The following ANKS1B variants were observed in gnomAD, a reference collection of about 807,000 sequenced individuals.
ANKS1B encodes the protein ankyrin repeat and sterile alpha motif domain containing 1B, also known as ankyrin repeat and sterile alpha motif domain-containing protein 1B.
A neutral mutation model predicts 148.3 loss-of-function variants in ANKS1B; 36 were observed. That is an observed-to-expected ratio of 0.24 (90% confidence interval 0.19 to 0.32). The LOEUF (loss-of-function observed/expected upper bound fraction) is 0.32, where lower values mean the gene tolerates loss of function less well. ANKS1B is among the 10% of genes least tolerant of loss of function. ANKS1B has a pLI of 1.00. For synonymous variants in ANKS1B, 542 were observed against 560.8 expected, an observed-to-expected ratio of 0.97 and a Z score of 0.47; for missense variants, 1,157 against 1,542.6, an observed-to-expected ratio of 0.75 and a Z score of 4.19.
At chr12:99,318,863 G>A (rs533755761) in intron 12 of ANKS1B, among the ~76,000 whole-genome samples, 140 of 151,896 alleles carry the variant, frequency 9.2e-4, no homozygotes, top group African/African-American at 3.3e-3. Flanking sequence ...AGATTCTGGT[G>A]TGTTGTGTCT....
At chr12:99,209,365 T>C (rs2083062566) in intron 14 of ANKS1B, among the ~76,000 whole-genome samples, 1 of 152,164 alleles carries the variant, frequency 6.6e-6, no homozygotes, top group Non-Finnish European at 1.5e-5. Context: ...AAAATTGCTT[T>C]AGAAGAAAAA....
chr12:99,798,236 T>C (rs1410135941), intron 4 of ANKS1B, among the ~76,000 whole-genome samples: 1 of 151,728 alleles, frequency 6.6e-6, no homozygotes, highest in Non-Finnish European at 1.5e-5. Flanking sequence ...GTGGTGACGA[T>C]CAGCAGAGAA....
At chr12:99,412,639 CCT>C (rs2094752535) in intron 11 of ANKS1B, among the ~76,000 whole-genome samples, 1 of 152,054 alleles carries the variant, frequency 6.6e-6, no homozygotes, top group African/African-American at 2.4e-5. Flanking sequence ...AGTAACTCTC[CCT>C]GTTTTTCATC....
chr12:98,983,434 G>A (rs1039815282), intron 17 of ANKS1B, among the ~76,000 whole-genome samples: 1 of 152,092 alleles, frequency 6.6e-6, no homozygotes, highest in Non-Finnish European at 1.5e-5. Context: ...CTCTGAGTTG[G>A]ATAAAAGTCA....
At chr12:99,499,512 G>A (rs781402447) in intron 10 of ANKS1B, among the ~76,000 whole-genome samples, 9 of 152,134 alleles carry the variant, frequency 5.9e-5, no homozygotes, top group Non-Finnish European at 1.2e-4. Context: ...CCTTCATCAA[G>A]GGGAGGCAAG....
At chr12:99,299,124 G>A (rs968033052) in intron 12 of ANKS1B, among the ~76,000 whole-genome samples, 4 of 151,540 alleles carry the variant, frequency 2.6e-5, no homozygotes, top group Non-Finnish European at 4.4e-5. Flanking sequence ...GTCATGGCAC[G>A]ATCATAGCTC....
chr12:99,093,681 A>G (rs1053309692), intron 15 of ANKS1B: 1 of 152,220 alleles, frequency 6.6e-6, no homozygotes, highest in African/African-American at 2.4e-5. Context: ...GTGAAGGTGG[A>G]TAATTTAGCC....
intron 1 of ANKS1B, among the ~76,000 whole-genome samples, chr12:99,944,032 T>A (rs1457988789): frequency 1.3e-5 from 2 of 151,698 alleles, no homozygotes; most frequent in African/African-American, 4.8e-5. Flanking sequence ...CAACTCCTGC[T>A]CCTTCTCCTA....
chr12:98,976,744 A>G (rs1002419463), intron 17 of ANKS1B: 1 of 152,248 alleles, frequency 6.6e-6, no homozygotes, highest in Admixed American at 6.5e-5. Flanking sequence ...AACATTTATT[A>G]TCAAAATGGA....
chr12:99,606,452 G>GTGAACTGT (rs1398971706), intron 9 of ANKS1B, among the ~76,000 whole-genome samples: 3 of 151,758 alleles, frequency 2.0e-5, no homozygotes, highest in Admixed American at 6.6e-5. Context: ...AGCAAACTTT[G>GTGAACTGT]TGAACTGTCT....
At chr12:99,036,574 T>G (rs912113156) in intron 17 of ANKS1B, among the ~76,000 whole-genome samples, 10 of 152,224 alleles carry the variant, frequency 6.6e-5, no homozygotes, top group Non-Finnish European at 1.5e-4. Flanking sequence ...TAATTGGCAT[T>G]TAAACTGTGT....
At chr12:98,959,642 G>A (rs2099867981) in intron 17 of ANKS1B, among the ~76,000 whole-genome samples, 1 of 152,196 alleles carries the variant, frequency 6.6e-6, no homozygotes, top group Non-Finnish European at 1.5e-5. Context: ...TTAGGTACCA[G>A]CTTGGCCACA....
At chr12:98,821,800 G>T (rs1185849883) in intron 19 of ANKS1B, among the ~76,000 whole-genome samples, 2 of 151,894 alleles carry the variant, frequency 1.3e-5, no homozygotes, top group Non-Finnish European at 2.9e-5. Context: ...CAGAGATGGG[G>T]TTTTGCCATG....
intron 17 of ANKS1B, among the ~76,000 whole-genome samples, chr12:98,900,945 G>A (rs1016867375): frequency 1.3e-5 from 2 of 152,082 alleles, no homozygotes; most frequent in East Asian, 3.9e-4. Flanking sequence ...GGAAATTTTT[G>A]TACTTCCCTT....
intron 12 of ANKS1B, among the ~76,000 whole-genome samples, chr12:99,327,352 ATAT>A (rs567673752): frequency 2.5e-3 from 281 of 112,980 alleles, no homozygotes; most frequent in African/African-American, 0.012. Flanking sequence ...TTATAATTAC[ATAT>A]TATATATAAT....
chr12:99,369,639 T>C (rs1439271016), intron 12 of ANKS1B, among the ~76,000 whole-genome samples: 3 of 152,098 alleles, frequency 2.0e-5, no homozygotes, highest in South Asian at 2.1e-4. Flanking sequence ...CTTTTCTATA[T>C]GTATACTGAA....
chr12:99,344,227 A>C (rs546626055), intron 12 of ANKS1B, among the ~76,000 whole-genome samples: 1 of 151,994 alleles, frequency 6.6e-6, no homozygotes, highest in Non-Finnish European at 1.5e-5. Flanking sequence ...GTGTTTGTCC[A>C]TGCTATTCTA....
At chr12:99,656,056 T>G (rs1012655525) in intron 8 of ANKS1B, among the ~76,000 whole-genome samples, 1 of 152,126 alleles carries the variant, frequency 6.6e-6, no homozygotes, top group African/African-American at 2.4e-5. Context: ...GCCAGGAAAC[T>G]AAATCTTTAC....
At chr12:99,313,417 C>T (rs781614948) in intron 12 of ANKS1B, among the ~76,000 whole-genome samples, 3 of 152,024 alleles carry the variant, frequency 2.0e-5, no homozygotes, top group Admixed American at 6.6e-5. Context: ...ACTCATTTTA[C>T]GAAGCCAGCA....
Sources: gnomAD v4.1 joint callset for allele counts (sites outside exome capture counted in the v4.1 genomes callset) on GRCh38, gnomAD v4.1.1 for gene constraint, MANE v1.5 for transcripts, NCBI Gene and HGNC (gene_info 2026-07-23, HGNC 2026-07-21) for gene names.